Variants in PHACTR2 observed in about 807,000 individuals in gnomAD.
The protein encoded by PHACTR2 is chromosome 6 open reading frame 56.
PHACTR2 carries 30 observed loss-of-function variants against 76.0 expected under a neutral mutation model. That is an observed-to-expected ratio of 0.39 (90% CI 0.30 to 0.54). The LOEUF (loss-of-function observed/expected upper bound fraction) is 0.54. Among genes scored for constraint, PHACTR2 ranks in the 20% least tolerant of loss-of-function variants. The pLI, the probability that PHACTR2 is intolerant of heterozygous loss-of-function variation, is 0.61. For missense variants in PHACTR2, 696 were observed against 781.1 expected (o/e 0.89, Z 1.30); for synonymous variants, 292 against 292.5 (o/e 1.00, Z 0.02).
intron 1 of PHACTR2, among the ~76,000 whole-genome samples, chr6:143,686,908 C>T (rs555050757): frequency 1.3e-5 from 2 of 152,310 alleles, no homozygotes; most frequent in East Asian, 1.9e-4. Flanking sequence ...AAGTCATGAG[C>T]TCACCTGCAA....
intron 1 of PHACTR2, among the ~76,000 whole-genome samples, chr6:143,609,345 A>G (rs1490000661): frequency 6.6e-6 from 1 of 152,204 alleles, no homozygotes; most frequent in East Asian, 1.9e-4. Flanking sequence ...CAGGAACAAA[A>G]CTCTGTGACT....
At chr6:143,732,095 T>C (rs986987658) in intron 2 of PHACTR2, among the ~76,000 whole-genome samples, 3 of 152,212 alleles carry the variant, frequency 2.0e-5, no homozygotes, top group East Asian at 1.9e-4. Flanking sequence ...CTATTTCAAA[T>C]CTCTCCTCTC....
chr6:143,681,793 A>G (rs1777393318), intron 1 of PHACTR2, among the ~76,000 whole-genome samples: 1 of 152,180 alleles, frequency 6.6e-6, no homozygotes, highest in African/African-American at 2.4e-5. Flanking sequence ...ATTCTTTTAC[A>G]TGTGAATATC....
intron 1 of PHACTR2, among the ~76,000 whole-genome samples, chr6:143,626,938 T>C (rs1413581199): frequency 6.6e-6 from 1 of 152,248 alleles, no homozygotes; most frequent in Non-Finnish European, 1.5e-5. Flanking sequence ...CTTTTAGAAT[T>C]GTCTTTGGAG....
rs112665368 is a variant in PHACTR2, at chr6:143,740,508, T to TGTAAAA, written c.215-8477_215-8476insGTAAAA. On this transcript the variant is annotated intron_variant, in intron 2 of 12. Coordinates refer to ENST00000440869, the MANE Select transcript of PHACTR2 (RefSeq NM_001100164.2). ...AACTATTACAAAACATCCTTTTAAT[T>TGTAAAA]AAAAAAAAAAAAAAAGGAAAAAATA... Among the ~76,000 whole-genome samples the TGTAAAA allele has an allele frequency of 9.6e-3, 1,239 of 128,666 alleles. 29 individuals are homozygous for TGTAAAA. Among genetic ancestry groups the TGTAAAA allele is most frequent in the African/African-American group, 0.034 (1,169 of 34,140 alleles). The allele number at this position is 128,666 out of a possible 152,430, so 84.4% of individuals were successfully genotyped here. A position where few individuals can be genotyped will look rare whatever the true frequency, so the allele number is the denominator to read the frequency against.
intron 1 of PHACTR2, among the ~76,000 whole-genome samples, chr6:143,594,781 C>T (rs1775728985): frequency 6.6e-6 from 1 of 152,254 alleles, no homozygotes; most frequent in Admixed American, 6.5e-5. Context: ...AACCAACAGC[C>T]TGAGCTACAG....
rs1017065060 is a variant in PHACTR2 at position 143,783,523 on chromosome 6, G to T, written c.1707+243G>T. 6.6e-6 allele frequency among the ~76,000 whole-genome samples: 1 copy of T among 152,188 alleles called. No homozygotes were observed. The highest frequency in any genetic ancestry group is 2.1e-4 in the South Asian group (1 of 4,834). ...AGTTCCAGCTACTCAGGAGGCTGAG[G>T]TGGGAAGATTGCTTCAGCCTGGGAG... On this transcript the variant is annotated intron_variant, in intron 10 of 12. Transcript: ENST00000440869. The surrounding 1 kb of genome is among the most constrained non-coding windows in gnomAD (Gnocchi z 5.2).
chr6:143,586,274 T>G (rs1562242439), intron 1 of PHACTR2, among the ~76,000 whole-genome samples: 7 of 152,228 alleles, frequency 4.6e-5, no homozygotes, highest in Non-Finnish European at 1.0e-4. Flanking sequence ...TGACTGTTTA[T>G]CTTATTTTTC....
rs375062747 is a variant in PHACTR2, at chr6:143,621,127, CAG to C, written c.13+12809_13+12810del. Among the ~76,000 whole-genome samples the C allele has an allele frequency of 6.6e-5, 10 of 152,296 alleles. No homozygotes were observed. Among genetic ancestry groups the C allele is most frequent in the African/African-American group, 1.9e-4 (8 of 41,548 alleles). ...TTAAAGAAGCCTTAGCATTTTCACA[CAG>C]AGACTGAGCTTGGAAATCCAGTTTC... On this transcript the variant is annotated intron_variant, in intron 1 of 11. Transcript: ENST00000305766. The surrounding 1 kb of genome is among the most constrained non-coding windows in gnomAD (Gnocchi z 4.1).
chr6:143,814,215 G>T (rs1776248701), intron 12 of PHACTR2, among the ~76,000 whole-genome samples: 2 of 152,138 alleles, frequency 1.3e-5, no homozygotes, highest in Admixed American at 1.3e-4. Flanking sequence ...AATTAGCTGG[G>T]TGTGGTGGTA....
At position 143,616,902 on chromosome 6, in the gene PHACTR2, C is replaced by T. The variant is rs1012438553; in HGVS notation, c.13+8580C>T. On this transcript the variant is annotated intron_variant, in intron 1 of 11. Transcript: ENST00000305766. The surrounding 1 kb of genome is among the most constrained non-coding windows in gnomAD (Gnocchi z 4.9). ...AAGCTGAGTGGCCGGCAAACACACA[C>T]GCCCCCAGACAGGACGTTGACTGGG... 6.6e-6 allele frequency among the ~76,000 whole-genome samples: 1 copy of T among 152,080 alleles called. No homozygotes were observed. The highest frequency in any genetic ancestry group is 1.5e-5 in the Non-Finnish European group (1 of 68,004).
chr6:143,746,318 C>T lies in PHACTR2; in HGVS notation c.215-2667C>T, dbSNP rs750587474. Reference sequence around the variant, plus strand: ...AAGGACTAGAATCCAGGACTCCTGGCAGCCATTTTGTGTTTTGGGCAATTT... The same window carrying T: ...AAGGACTAGAATCCAGGACTCCTGGTAGCCATTTTGTGTTTTGGGCAATTT... On this transcript the variant is annotated intron_variant, in intron 2 of 12. Coordinates refer to ENST00000440869, the MANE Select transcript of PHACTR2 (RefSeq NM_001100164.2). Among the ~76,000 whole-genome samples the T allele has an allele frequency of 2.6e-5, 4 of 152,310 alleles. No individual in the cohort carries two copies. The East Asian group carries it at 5.8e-4, about 22-fold the overall frequency.
At chr6:143,705,812 C>G (rs547793364) in intron 1 of PHACTR2, among the ~76,000 whole-genome samples, 1 of 152,088 alleles carries the variant, frequency 6.6e-6, no homozygotes, top group Admixed American at 6.6e-5. Context: ...GCATCTTCAC[C>G]GTAAAGCCAC....
At chr6:143,788,565 G>A (rs553763053) in intron 10 of PHACTR2, among the ~76,000 whole-genome samples, 7 of 151,868 alleles carry the variant, frequency 4.6e-5, no homozygotes, top group Non-Finnish European at 7.4e-5. Context: ...TATCTAAAAC[G>A]ATGATTTTTT....
At chr6:143,748,396 A>G (rs1247586049) in intron 2 of PHACTR2, among the ~76,000 whole-genome samples, 1 of 152,234 alleles carries the variant, frequency 6.6e-6, no homozygotes, top group African/African-American at 2.4e-5. Context: ...TGCCTTCTCC[A>G]TCCTCCTAAG....
intron 2 of PHACTR2, among the ~76,000 whole-genome samples, chr6:143,747,966 C>G (rs1047825783): frequency 6.6e-6 from 1 of 152,166 alleles, no homozygotes; most frequent in Non-Finnish European, 1.5e-5. Context: ...CTCCCAAGCC[C>G]CATTCCAAAG....
At chr6:143,687,564 C>G (rs891540595) in intron 1 of PHACTR2, among the ~76,000 whole-genome samples, 3 of 152,092 alleles carry the variant, frequency 2.0e-5, no homozygotes, top group African/African-American at 7.2e-5. Flanking sequence ...GGAACAAAAA[C>G]CAAAACTACA....
intron 12 of PHACTR2, among the ~76,000 whole-genome samples, chr6:143,808,222 C>A (rs1264711243): frequency 6.6e-6 from 1 of 151,726 alleles, no homozygotes; most frequent in Admixed American, 6.6e-5. Context: ...CTCCACCTCC[C>A]GGGTTCAAGC....
rs773125576 is a variant in PHACTR2, at chr6:143,765,318, C to T, written c.752C>T (p.Thr251Ile). ...TGSKASASPS[T>I]SSTSSRPKAS... ...TCTAAAGCATCAGCTTCGCCATCCA[C>T]TTCATCCACCTCATCTCGTCCCAAA... The change falls in exon 6 of 13, where the codon ACT (threonine) becomes ATT (isoleucine). Residue 251 changes from threonine (T) to isoleucine (I), a missense_variant. Physicochemically the swap from Thr to Ile is moderately conservative, Grantham distance 89. This residue lies in a region of PHACTR2 where 460 missense variants were observed against 450.9 expected (regional missense o/e 1.02). Coordinates refer to ENST00000440869, the MANE Select transcript of PHACTR2 (RefSeq NM_001100164.2). This position sits in a 1 kb window ranked among gnomAD's most constrained non-coding sequence, Gnocchi z 4.1. 1.2e-5 allele frequency: 20 copies of T among 1,614,106 alleles called. No homozygotes were observed. The highest frequency in any genetic ancestry group is 5.9e-6 in the Non-Finnish European group (7 of 1,180,038).
Sources: allele counts gnomAD v4.1 joint callset (sites outside exome capture counted in the v4.1 genomes callset), GRCh38; gene constraint gnomAD v4.1.1; regional missense constraint gnomAD v4.1.1; non-coding constraint Gnocchi (gnomAD v3.1); transcripts MANE v1.5; gene names NCBI Gene and HGNC (gene_info 2026-07-23, HGNC 2026-07-21).